Variants in DST observed in about 807,000 individuals in gnomAD.
The protein encoded by DST is bullous pemphigoid antigen.
A neutral mutation model predicts 875.2 loss-of-function variants in DST; 253 were observed. The observed-to-expected ratio is 0.29, with a 90% confidence interval of 0.26 to 0.32. The LOEUF (loss-of-function observed/expected upper bound fraction) is 0.32, where lower values mean the gene tolerates loss of function less well. Among genes scored for constraint, DST ranks in the 10% least tolerant of loss-of-function variants. The probability of loss-of-function intolerance (pLI) is 1.00; values close to 1 mark genes in which losing one functional copy is unlikely to be tolerated. For synonymous variants in DST, 3,124 were observed against 3,197.1 expected (o/e 0.98, Z 0.77); for missense variants, 8,287 against 9,111.6 (o/e 0.91, Z 3.68).
At chr6:56,523,640 T>C (rs1417821610) in intron 69 of DST, among the ~76,000 whole-genome samples, 1 of 152,156 alleles carries the variant, frequency 6.6e-6, no homozygotes, top group East Asian at 1.9e-4. Flanking sequence ...ATATGCAACC[T>C]TAAAACTGGG....
intron 61 of DST, among the ~76,000 whole-genome samples, chr6:56,551,176 G>C (rs527661134): frequency 2.0e-5 from 3 of 152,258 alleles, no homozygotes; most frequent in Admixed American, 6.5e-5. Context: ...TGTTATTAAA[G>C]ACAAGCAAAT....
intron 94 of DST, 47 bp from the exon 95 acceptor site, chr6:56,471,315 T>C (rs765902648): frequency 7.2e-7 from 1 of 1,383,214 alleles, no homozygotes; most frequent in South Asian, 1.3e-5. Context: ...TGTACTAAAA[T>C]TGTAGACTAT....
In DST at chr6:56,598,525, T is replaced by G; in HGVS notation, c.11879A>C (p.Lys3960Thr). 9 of 1,599,698 alleles carry G rather than the reference T, an allele frequency of 5.6e-6. No individual in the cohort carries two copies. Among genetic ancestry groups the G allele is most frequent in the Non-Finnish European group, 6.8e-6 (8 of 1,173,202 alleles). Residue 3960 changes from lysine (K) to threonine (T), a missense_variant, in exon 46 of 104, where the codon AAG (lysine) becomes ACG (threonine). By Grantham distance (78) the Lys-to-Thr change is moderately conservative. Around this residue, in one of 10 missense-constraint regions of DST, gnomAD observed 1,513 missense variants for 1,677.8 expected, o/e 0.90. Coordinates refer to ENST00000680361, the MANE Select transcript of DST (RefSeq NM_001374736.1). ...TGTTGTCACAACTTTATCCAGCTCC[T>G]TTTTAGACTGTTCTGCTTTTAAATT... ...QLNLKAEQSK[K>T]ELDKVVTTAI...
Position 56,840,713 on chromosome 6 carries a change from A to G in DST, c.625+10684T>C, listed in dbSNP as rs1399462689. 2.0e-5 allele frequency among the ~76,000 whole-genome samples: 3 copies of G among 152,204 alleles called. No homozygotes were observed. In the East Asian group the frequency reaches 5.8e-4, roughly 29 times the overall value. Reference sequence around the variant, plus strand: ...CACTCTCCACTTTTCTTGTTTTTCTACAGAGTCTGATTTGAACTCCTCTCA... The same window carrying G: ...CACTCTCCACTTTTCTTGTTTTTCTGCAGAGTCTGATTTGAACTCCTCTCA... On this transcript the variant is annotated intron_variant, in intron 4 of 103. Coordinates refer to ENST00000680361, the MANE Select transcript of DST (RefSeq NM_001374736.1).
chr6:56,902,223 T>C (rs1229010509), intron 2 of DST, among the ~76,000 whole-genome samples: 1 of 152,218 alleles, frequency 6.6e-6, no homozygotes, highest in African/African-American at 2.4e-5. Flanking sequence ...GGTGGGAAAC[T>C]AGTGAGAGAT....
intron 4 of DST, among the ~76,000 whole-genome samples, chr6:56,807,197 T>C (rs2099754082): frequency 6.6e-6 from 1 of 152,006 alleles, no homozygotes; most frequent in Non-Finnish European, 1.5e-5. Flanking sequence ...ACTAGAGGTG[T>C]GTGTTTTTTG....
At chr6:56,813,183 A>ATT (rs1204476448) in intron 4 of DST, among the ~76,000 whole-genome samples, 1 of 141,696 alleles carries the variant, frequency 7.1e-6, no homozygotes, top group African/African-American at 2.6e-5. Context: ...GAATTGAACA[A>ATT]TGAGAACACA....
At chr6:56,668,995 T>C (rs1014530875) in intron 10 of DST, among the ~76,000 whole-genome samples, 2 of 152,002 alleles carry the variant, frequency 1.3e-5, no homozygotes, top group African/African-American at 4.8e-5. Flanking sequence ...TCTAACTTAT[T>C]AGCAGTATAA....
chr6:56,602,311 A>G (rs1218384334), intron 43 of DST, among the ~76,000 whole-genome samples: 2 of 151,864 alleles, frequency 1.3e-5, no homozygotes, highest in East Asian at 3.8e-4. Context: ...GTCGTTTTCT[A>G]TGTTTAGATA....
intron 9 of DST, among the ~76,000 whole-genome samples, chr6:56,671,661 T>C (rs1439553542): frequency 1.3e-5 from 2 of 152,202 alleles, no homozygotes; most frequent in Non-Finnish European, 2.9e-5. Flanking sequence ...AAAGTGACTT[T>C]ACCAGGGGTC....
intron 49 of DST, among the ~76,000 whole-genome samples, chr6:56,583,532 C>T (rs1356696296): frequency 2.0e-5 from 3 of 151,978 alleles, no homozygotes; most frequent in African/African-American, 7.3e-5. Context: ...AAAATTTTCT[C>T]CCATTTTGTA....
At chr6:56,652,285 T>C (rs1306368087) in intron 10 of DST, among the ~76,000 whole-genome samples, 1 of 152,178 alleles carries the variant, frequency 6.6e-6, no homozygotes, top group African/African-American at 2.4e-5. Context: ...GAGACTTCAC[T>C]CAAGGCTAGA....
At chr6:56,474,166 G>T in intron 92 of DST, 164 bp from the exon 93 acceptor site, 1 of 587,682 alleles carries the variant, frequency 1.7e-6, no homozygotes, top group Non-Finnish European at 2.9e-6. Flanking sequence ...CCATCATACT[G>T]CAGGCATTTA....
chr6:56,904,572 A>G (rs1296579935), intron 2 of DST, among the ~76,000 whole-genome samples: 1 of 152,178 alleles, frequency 6.6e-6, no homozygotes, highest in Admixed American at 6.5e-5. Context: ...TGGCAGCAGC[A>G]ATTTACACAT....
intron 4 of DST, among the ~76,000 whole-genome samples, chr6:56,779,645 A>C (rs190574146): frequency 0.032 from 4,899 of 151,278 alleles, 294 homozygotes; most frequent in African/African-American, 0.11. Context: ...ATAGGGAATC[A>C]TTTCCCCATT....
At chr6:56,693,076 T>C (rs1336875302) in intron 9 of DST, 2 of 1,289,706 alleles carry the variant, frequency 1.6e-6, no homozygotes, top group East Asian at 5.5e-5. Flanking sequence ...TTTTTCAGGG[T>C]TCAAAGGAGT....
At chr6:56,788,619 T>C (rs1398792072) in intron 4 of DST, among the ~76,000 whole-genome samples, 1 of 152,252 alleles carries the variant, frequency 6.6e-6, no homozygotes, top group Non-Finnish European at 1.5e-5. Context: ...CAGCACAATA[T>C]GTAAAATTAA....
At chr6:56,614,644 A>G in intron 36 of DST, 160 bp from the exon 37 acceptor site, 3 of 1,261,944 alleles carry the variant, frequency 2.4e-6, no homozygotes, top group Non-Finnish European at 3.0e-6. Context: ...ACCATGTCAC[A>G]TAGCAGATGC....
In DST at chr6:56,517,289, A is replaced by T. The variant is rs777388106; in HGVS notation, c.18266T>A (p.Ile6089Asn). Residue 6089 changes from isoleucine to asparagine, a missense_variant, in exon 71 of 104, where the codon ATT becomes AAT. Ile to Asn is a moderately radical substitution (Grantham distance 149, BLOSUM62 -3). Coordinates refer to ENST00000680361, the MANE Select transcript of DST (RefSeq NM_001374736.1). ...LQVQKTFTME[I>N]LRHKDIIDDL... ...ATCAATAATATCCTTGTGTCTCAAA[A>T]TCTCCATGGTGAATGTCTGTGATTT... is the stretch of plus-strand genomic sequence containing the variant. 3.7e-6 allele frequency: 6 copies of T among 1,612,566 alleles called. No homozygotes were observed. The highest frequency in any genetic ancestry group is 5.1e-6 in the Non-Finnish European group (6 of 1,179,306).
Sources: gnomAD v4.1 joint callset for allele counts (sites outside exome capture counted in the v4.1 genomes callset) on GRCh38, gnomAD v4.1.1 for gene constraint, gnomAD v4.1.1 regional missense constraint, MANE v1.5 for transcripts, NCBI Gene and HGNC (gene_info 2026-07-23, HGNC 2026-07-21) for gene names.